The following PDZRN4 variants were observed in gnomAD, a reference collection of about 807,000 sequenced individuals.
PDZRN4 encodes PDZ domain containing ring finger 4.
In PDZRN4, 70 loss-of-function variants were observed where a neutral mutation model predicts 99.0. That is an observed-to-expected ratio of 0.71 (90% CI 0.58 to 0.86). PDZRN4 has a LOEUF of 0.86. Among genes scored for constraint, PDZRN4 ranks in the 40% least tolerant of loss-of-function variants. The pLI is 0.00. For synonymous variants in PDZRN4, 551 were observed against 501.6 expected, an observed-to-expected ratio of 1.10 and a Z score of -1.32; for missense variants, 1,474 against 1,331.2, an observed-to-expected ratio of 1.11 and a Z score of -1.67.
chr12:41,572,559 A>G lies in PDZRN4; in HGVS notation c.1780A>G (p.Thr594Ala), dbSNP rs1436757673. The change falls in exon 10 of 10, where the codon ACT becomes GCT. Residue 594 changes from threonine to alanine, a missense_variant. By Grantham distance (58) the Thr-to-Ala change is moderately conservative. Coordinates refer to ENST00000402685, the MANE Select transcript of PDZRN4 (RefSeq NM_001164595.2). Reference protein sequence around the residue: ...SKRDLGQSQDTLGSVELQYNE... With the variant: ...SKRDLGQSQDALGSVELQYNE... ...GAGAGACCTGGGGCAGAGCCAAGACACTCTGGGAAGTGTTGAACTTCAGTA... is the reference window on the plus strand; with the variant it reads ...GAGAGACCTGGGGCAGAGCCAAGACGCTCTGGGAAGTGTTGAACTTCAGTA... 8 of 1,613,952 alleles carry G rather than the reference A, an allele frequency of 5.0e-6. No individual in the cohort carries two copies. The highest frequency in any genetic ancestry group is 3.3e-5 in the Admixed American group (2 of 59,988).
At chr12:41,478,621 C>A (rs1937627528) in intron 3 of PDZRN4, among the ~76,000 whole-genome samples, 1 of 152,170 alleles carries the variant, frequency 6.6e-6, no homozygotes, top group Non-Finnish European at 1.5e-5. Context: ...AACTTTTCCT[C>A]CCATTCTCTA....
intron 3 of PDZRN4, among the ~76,000 whole-genome samples, chr12:41,279,401 G>A (rs563713237): frequency 2.6e-5 from 4 of 152,240 alleles, no homozygotes; most frequent in South Asian, 4.1e-4. Context: ...AAGCTAAAAC[G>A]TGTTGGCCCA....
At chr12:41,452,115 A>G (rs1952779721) in intron 3 of PDZRN4, among the ~76,000 whole-genome samples, 1 of 103,140 alleles carries the variant, frequency 9.7e-6, no homozygotes, top group Non-Finnish European at 1.9e-5. Context: ...TGAATAAGAG[A>G]CAAAAAAAAA....
chr12:41,505,953 G>A (rs549709346), intron 3 of PDZRN4, among the ~76,000 whole-genome samples: 1 of 151,988 alleles, frequency 6.6e-6, no homozygotes, highest in Non-Finnish European at 1.5e-5. Context: ...CAAACAGTGA[G>A]GATTTAGGAT....
chr12:41,195,680 A>C (rs977020097), intron 3 of PDZRN4, among the ~76,000 whole-genome samples: 1 of 152,158 alleles, frequency 6.6e-6, no homozygotes, highest in African/African-American at 2.4e-5. Context: ...TGTTGCCGAG[A>C]AAGTGCAGAC....
At position 41,408,799 on chromosome 12, in the gene PDZRN4, G is replaced by C. The variant is rs563660950; in HGVS notation, c.844-97657G>C. Among the ~76,000 whole-genome samples, 25 of 147,524 alleles carry C rather than the reference G, an allele frequency of 1.7e-4. No homozygotes were observed. In the East Asian group the frequency reaches 5.0e-3, roughly 29 times the overall value. On this transcript the variant is annotated intron_variant, in intron 3 of 9. Transcript: ENST00000402685. ...CTCTCTGTCTTCTCTCTCTCTCTCT[G>C]TCTCTGTCTCTCTTGCGCTCTCTCT...
intron 6 of PDZRN4, 24 bp downstream of exon 6, chr12:41,552,778 A>G (rs778636267): frequency 6.4e-7 from 1 of 1,558,162 alleles, no homozygotes; most frequent in Non-Finnish European, 8.9e-7. Flanking sequence ...TGGAGGGGAA[A>G]TTCGAGGAGG....
At chr12:41,460,763 G>A (rs749813130) in intron 3 of PDZRN4, among the ~76,000 whole-genome samples, 6 of 152,128 alleles carry the variant, frequency 3.9e-5, no homozygotes, top group East Asian at 1.9e-4. Context: ...ACTCAGTTCC[G>A]CTATACTTTC....
chr12:41,462,372 C>G (rs754956821), intron 3 of PDZRN4, among the ~76,000 whole-genome samples: 1 of 152,090 alleles, frequency 6.6e-6, no homozygotes, highest in African/African-American at 2.4e-5. Flanking sequence ...TGCCAGGAAG[C>G]CTTCATTAAG....
chr12:41,546,715 T>C (rs148459637), intron 5 of PDZRN4, among the ~76,000 whole-genome samples: 1 of 152,280 alleles, frequency 6.6e-6, no homozygotes, highest in East Asian at 1.9e-4. Context: ...GGAGTGAGCC[T>C]GAGGGAATTA....
intron 3 of PDZRN4, among the ~76,000 whole-genome samples, chr12:41,392,844 C>A (rs111747679): frequency 0.036 from 5,423 of 152,198 alleles, 324 homozygotes; most frequent in African/African-American, 0.12. Context: ...GGCAAAGTAG[C>A]CCAGATAGTG....
intron 5 of PDZRN4, among the ~76,000 whole-genome samples, chr12:41,542,740 A>G (rs772473816): frequency 2.6e-5 from 4 of 152,244 alleles, no homozygotes; most frequent in Non-Finnish European, 5.9e-5. Context: ...ATTTCAATTT[A>G]GAAAAGATAG....
intron 3 of PDZRN4, among the ~76,000 whole-genome samples, chr12:41,302,962 A>ACACT (rs551126856): frequency 0.046 from 6,797 of 147,368 alleles, 240 homozygotes; most frequent in Non-Finnish European, 0.066. Context: ...ACACACACAC[A>ACACT]CTCACACACA....
chr12:41,218,864 C>A (rs557116868), intron 3 of PDZRN4, among the ~76,000 whole-genome samples: 1 of 151,922 alleles, frequency 6.6e-6, no homozygotes, highest in African/African-American at 2.4e-5. Context: ...AATCCTTAAG[C>A]AGTTATTTAT....
intron 5 of PDZRN4, among the ~76,000 whole-genome samples, chr12:41,527,435 C>G (rs1938587975): frequency 1.3e-5 from 2 of 152,066 alleles, no homozygotes; most frequent in African/African-American, 4.8e-5. Context: ...CAGATAGACC[C>G]ATTTTTGTAG....
chr12:41,521,944 C>A (rs1269449233), intron 5 of PDZRN4, among the ~76,000 whole-genome samples: 3 of 151,980 alleles, frequency 2.0e-5, no homozygotes, highest in Admixed American at 6.6e-5. Context: ...TCCTAAATAG[C>A]CGTTGGAAGG....
chr12:41,189,219 A>C (rs1950719428), intron 1 of PDZRN4, 116 bp downstream of exon 1: 1 of 938,282 alleles, frequency 1.1e-6, no homozygotes, highest in Admixed American at 2.1e-5. Context: ...ACTATGCAGC[A>C]GGAAACATCC....
chr12:41,554,440 A>G (rs191883407), intron 6 of PDZRN4, among the ~76,000 whole-genome samples: 200 of 152,312 alleles, frequency 1.3e-3, no homozygotes, highest in African/African-American at 4.6e-3. Context: ...TCTTACATGT[A>G]ATTATAGTGT....
In PDZRN4 at chr12:41,375,528, T is replaced by A. The variant is rs940795037; in HGVS notation, c.844-130928T>A. On this transcript the variant is annotated intron_variant, in intron 3 of 9. Transcript: ENST00000402685. ...CAATCCTATAAGCTAGGTATTATTA[T>A]CCCTCCTTTACAAATGAGGCAATTA... is the stretch of plus-strand genomic sequence containing the variant. 2.0e-5 allele frequency among the ~76,000 whole-genome samples: 3 copies of A among 152,168 alleles called. No individual in the cohort carries two copies. In the South Asian group the frequency reaches 6.2e-4, roughly 32 times the overall value.
Sources: allele counts gnomAD v4.1 joint callset (sites outside exome capture counted in the v4.1 genomes callset), GRCh38; gene constraint gnomAD v4.1.1; transcripts MANE v1.5; gene names NCBI Gene and HGNC (gene_info 2026-07-23, HGNC 2026-07-21).